SPI1: variants seen among roughly 807,000 people sequenced by gnomAD.
The protein encoded by SPI1 is Spi-1 proto-oncogene, also known as transcription factor PU.1.
Under a neutral mutation model 30.7 loss-of-function variants are expected in SPI1, and 3 were observed. That is an observed-to-expected ratio of 0.10 (90% CI 0.04 to 0.25). The LOEUF (loss-of-function observed/expected upper bound fraction) is 0.25, where lower values mean the gene tolerates loss of function less well. Ranked by LOEUF, SPI1 falls within the 10% of genes least tolerant of loss-of-function variation. The pLI is 1.00. For synonymous variants in SPI1, 169 were observed against 157.1 expected (o/e 1.08, Z -0.56); for missense variants, 261 against 371.5 (o/e 0.70, Z 2.45).
At chr11:47,355,816 A>G (rs1359109289) in intron 4 of SPI1, among the ~76,000 whole-genome samples, 3 of 145,794 alleles carry the variant, frequency 2.1e-5, no homozygotes, top group Admixed American at 1.4e-4. Context: ...CAGTGCACCA[A>G]GTACACACAC....
intron 4 of SPI1, among the ~76,000 whole-genome samples, chr11:47,357,534 TCACA>T (rs1172434451): frequency 6.6e-6 from 1 of 151,884 alleles, no homozygotes; most frequent in African/African-American, 2.4e-5. Flanking sequence ...TCATGCATGC[TCACA>T]CACACCTGCT....
Position 47,360,002 on chromosome 11 carries a change from C to G in SPI1, c.181G>C (p.Glu61Gln). 1.3e-6 allele frequency: 2 copies of G among 1,596,804 alleles called. No individual in the cohort carries two copies. The highest frequency in any genetic ancestry group is 1.7e-6 in the Non-Finnish European group (2 of 1,170,000). Residue 61 changes from glutamate to glutamine, a missense_variant, in exon 3 of 5, where the codon GAG (glutamate) becomes CAG (glutamine). Transcript: ENST00000378538. ...WDFHPHHVHSEFESFAENNFT... is the reference protein window; with the variant it reads ...WDFHPHHVHSQFESFAENNFT... ...TTGTTCTCGGCGAAGCTCTCGAACT[C>G]GCTGTGCACGTGGTGGGGGTGGAAG...
chr11:47,357,370 CCTCACACCTG>C (rs1204306829), intron 4 of SPI1, among the ~76,000 whole-genome samples: 6 of 143,796 alleles, frequency 4.2e-5, no homozygotes, highest in African/African-American at 1.6e-4. Flanking sequence ...TACACTTGCA[CCTCACACCTG>C]CTCACGCATG....
At chr11:47,369,908 C>T (rs1443565225) in intron 2 of SPI1, among the ~76,000 whole-genome samples, 1 of 152,214 alleles carries the variant, frequency 6.6e-6, no homozygotes, top group Non-Finnish European at 1.5e-5. Flanking sequence ...AGGCACTGTT[C>T]TAAGCATTTG....
At chr11:47,358,056 C>G (rs1595856165) in intron 4 of SPI1, 2 of 169,210 alleles carry the variant, frequency 1.2e-5, no homozygotes, top group South Asian at 2.7e-4. Context: ...CACTCACATA[C>G]ATGCACAGAC....
intron 2 of SPI1, among the ~76,000 whole-genome samples, chr11:47,364,033 C>G (rs1044033328): frequency 2.9e-5 from 4 of 138,438 alleles, no homozygotes; most frequent in African/African-American, 1.1e-4. Flanking sequence ...GAAGCGAAAA[C>G]AAAACAAAAC....
intron 4 of SPI1, among the ~76,000 whole-genome samples, chr11:47,355,949 C>T (rs769229536): frequency 2.3e-5 from 3 of 130,430 alleles, no homozygotes; most frequent in African/African-American, 6.3e-5. Context: ...CATGCTTAAA[C>T]ACAATGCAAC....
rs546054518 is a variant in SPI1 at position 47,374,157 on chromosome 11, C to A, written c.142+1476G>T. ...CTGGAACCGCTTGGGAAGGTGGGTG[C>A]GTGGTCTCTGGGTCCCCCAGACCGG... On this transcript the variant is annotated intron_variant, in intron 2 of 4. Transcript: ENST00000378538. The surrounding 1 kb of genome is among the most constrained non-coding windows in gnomAD (Gnocchi z 4.5). Among the ~76,000 whole-genome samples the A allele has an allele frequency of 1.3e-5, 2 of 152,142 alleles. No homozygotes were observed. The highest frequency in any genetic ancestry group is 4.8e-5 in the African/African-American group (2 of 41,436).
chr11:47,368,317 A>C (rs2095931262), intron 2 of SPI1, among the ~76,000 whole-genome samples: 1 of 152,174 alleles, frequency 6.6e-6, no homozygotes, highest in Non-Finnish European at 1.5e-5. Context: ...GTCAGCTGAG[A>C]TCGTACCACT....
Position 47,375,361 on chromosome 11 carries a change from C to T in SPI1, c.142+272G>A, listed in dbSNP as rs2095940863. Reference sequence around the variant, plus strand: ...TCTCCTAGCACCCTAAGCCTGTTTCCTTGTTTATAAAGAAGACCACAAGGA... The same window carrying T: ...TCTCCTAGCACCCTAAGCCTGTTTCTTTGTTTATAAAGAAGACCACAAGGA... On this transcript the variant is annotated intron_variant, in intron 2 of 4. Coordinates refer to ENST00000378538, the MANE Select transcript of SPI1 (RefSeq NM_003120.3). The surrounding 1 kb of genome is among the most constrained non-coding windows in gnomAD (Gnocchi z 4.2). Among the ~76,000 whole-genome samples the T allele has an allele frequency of 6.6e-6, 1 of 152,204 alleles. No individual in the cohort carries two copies. Among genetic ancestry groups the T allele is most frequent in the African/African-American group, 2.4e-5 (1 of 41,460 alleles).
In SPI1 at chr11:47,355,172, G is replaced by C. The variant is rs1595852817; in HGVS notation, c.*55C>G. 7.9e-7 allele frequency: 1 copy of C among 1,268,906 alleles called. No individual in the cohort carries two copies. Among genetic ancestry groups the C allele is most frequent in the South Asian group, 2.3e-5 (1 of 43,186 alleles). 78.6% of individuals were successfully genotyped at this position (1,268,906 alleles called of 1,614,324 possible). A position where few individuals can be genotyped will look rare whatever the true frequency, so the allele number is the denominator to read the frequency against. ...CTCCCTGTGTCCGGGCCGGGCGAGG[G>C]CTTAATGCTATGGCCAGCGGGGAGG... On this transcript the variant is annotated 3_prime_UTR_variant, in exon 5 of 5. Transcript: ENST00000378538.
chr11:47,364,794 A>G (rs1410004297), intron 2 of SPI1, among the ~76,000 whole-genome samples: 2 of 152,144 alleles, frequency 1.3e-5, no homozygotes, highest in African/African-American at 4.8e-5. Flanking sequence ...CATCACTTGG[A>G]GAGGCTGGAA....
chr11:47,358,743 G>T, intron 4 of SPI1, 101 bp downstream of exon 4: 1 of 1,187,140 alleles, frequency 8.4e-7, no homozygotes, highest in Non-Finnish European at 1.2e-6. Flanking sequence ...ACACACACGC[G>T]ACTCGGTGGC....
rs1381161785 is a variant in SPI1, at chr11:47,367,797, G to A, written c.143-7757C>T. Among the ~76,000 whole-genome samples the A allele has an allele frequency of 3.7e-5, 4 of 107,426 alleles. No individual in the cohort carries two copies. The Admixed American group carries it at 4.4e-4, about 12-fold the overall frequency. The allele number at this position is 107,426 out of a possible 152,430, so 70.5% of individuals were successfully genotyped here. On this transcript the variant is annotated intron_variant, in intron 2 of 4. Transcript: ENST00000378538. ...TTTTTTGAGACGGAGTCTTGCTCTCGCCCAGGCTGGAGTGCAGTGGGGCAA... is the reference window on the plus strand; with the variant it reads ...TTTTTTGAGACGGAGTCTTGCTCTCACCCAGGCTGGAGTGCAGTGGGGCAA...
intron 4 of SPI1, among the ~76,000 whole-genome samples, chr11:47,357,111 C>CT (rs1269579425): frequency 6.6e-6 from 1 of 151,440 alleles, no homozygotes; most frequent in Non-Finnish European, 1.5e-5. Context: ...ACATTCACAC[C>CT]CACTCACATG....
rs1156263089 is a variant in SPI1, at chr11:47,375,578, C to T, written c.142+55G>A. 3.7e-6 allele frequency: 5 copies of T among 1,346,984 alleles called. No individual in the cohort carries two copies. The African/African-American group carries it at 7.2e-5, about 19-fold the overall frequency. 83.4% of individuals were successfully genotyped at this position (1,346,984 alleles called of 1,614,324 possible). A position where few individuals can be genotyped will look rare whatever the true frequency, so the allele number is the denominator to read the frequency against. On this transcript the variant is annotated intron_variant, in intron 2 of 4. Transcript: ENST00000378538. The surrounding 1 kb of genome is among the most constrained non-coding windows in gnomAD (Gnocchi z 4.2). ...CATTTATTCTTTTTCTCTCTCCAGA[C>T]CCCAGGAGCCCAGGCTGGGCTGGGG...
chr11:47,363,553 G>A (rs902082478), intron 2 of SPI1, among the ~76,000 whole-genome samples: 2 of 151,990 alleles, frequency 1.3e-5, no homozygotes, highest in Non-Finnish European at 2.9e-5. Context: ...AATTGAGATG[G>A]AATCTCACTA....
In SPI1 at chr11:47,375,714, C is replaced by A. The variant is rs1044667434; in HGVS notation, c.61G>T (p.Val21Leu). The A allele has an allele frequency of 3.1e-6, 5 of 1,613,636 alleles. 1 individual carries two copies. The South Asian group carries it at 5.5e-5, about 18-fold the overall frequency. ...PLVPPPSEDL[V>L]PYDTDLYQRQ... ...TGGTATAGATCCGTGTCATAGGGCA[C>A]CAGGTCTTCTGATGGCTGCTGAGAG... is the stretch of plus-strand genomic sequence containing the variant. Residue 21 changes from valine to leucine, a missense_variant, in exon 2 of 5, where the codon GTG (valine) becomes TTG (leucine). Physicochemically the swap from Val to Leu is conservative, Grantham distance 32. Around this residue, in one of 5 missense-constraint regions of SPI1, gnomAD observed 78 missense variants for 93.2 expected, o/e 0.84. Coordinates refer to ENST00000378538, the MANE Select transcript of SPI1 (RefSeq NM_003120.3). This position sits in a 1 kb window ranked among gnomAD's most constrained non-coding sequence, Gnocchi z 4.2.
chr11:47,377,686 G>T (rs1267222875), intron 1 of SPI1, among the ~76,000 whole-genome samples: 3 of 152,084 alleles, frequency 2.0e-5, no homozygotes, highest in African/African-American at 7.2e-5. Context: ...CTCCAGCCCT[G>T]GGGCCAGCCC....
Sources: allele counts gnomAD v4.1 joint callset (sites outside exome capture counted in the v4.1 genomes callset), GRCh38; gene constraint gnomAD v4.1.1; regional missense constraint gnomAD v4.1.1; non-coding constraint Gnocchi (gnomAD v3.1); transcripts MANE v1.5; gene names NCBI Gene and HGNC (gene_info 2026-07-23, HGNC 2026-07-21).